The following POU3F3 variants were observed in gnomAD, a reference collection of about 807,000 sequenced individuals.
The protein encoded by POU3F3 is POU domain, class 3, transcription factor 3.
POU3F3 carries 1 observed loss-of-function variant against 8.6 expected under a neutral mutation model. The observed-to-expected ratio is 0.12, with a 90% CI of 0.04 to 0.55. The LOEUF (loss-of-function observed/expected upper bound fraction) is 0.55. POU3F3 is among the 20% of genes least tolerant of loss of function. The pLI is 0.91. For missense variants in POU3F3, 577 were observed against 690.7 expected, an observed-to-expected ratio of 0.84 and a Z score of 1.84; for synonymous variants, 418 against 327.4, an observed-to-expected ratio of 1.28 and a Z score of -2.99.
chr2:104,856,644 G>C lies in POU3F3; in HGVS notation c.1134G>C (p.Pro378=), dbSNP rs777608264. Residue 378 remains proline (P), a synonymous_variant, in exon 1 of 1, where the codon CCG becomes CCC. Coordinates refer to ENST00000361360, the MANE Select transcript of POU3F3 (RefSeq NM_006236.3). ...TCAAGAACATGTGCAAGCTCAAGCC[G>C]CTGCTGAACAAGTGGCTGGAGGAGG... The part of the protein sequence containing the change: ...LSFKNMCKLK[P]LLNKWLEEAD... 15 of 1,614,074 alleles carry C rather than the reference G, an allele frequency of 9.3e-6. No homozygotes were observed. The highest frequency in any genetic ancestry group is 8.5e-7 in the Non-Finnish European group (1 of 1,180,054).
At chr2:104,921,268 G>A in the POU3F3 span, among the ~76,000 whole-genome samples, 2 of 152,128 alleles carry the variant, frequency 1.3e-5, no homozygotes, top group African/African-American at 2.4e-5. Flanking sequence ...CATGAAGGGG[G>A]TGCTGTCAAA....
chr2:104,898,787 A>G, the POU3F3 span, among the ~76,000 whole-genome samples: 1 of 152,204 alleles, frequency 6.6e-6, no homozygotes, highest in Non-Finnish European at 1.5e-5. Context: ...CTGAGTTAAA[A>G]TGTTCACTAA....
chr2:104,864,058 G>A, the POU3F3 span, among the ~76,000 whole-genome samples: 1 of 152,212 alleles, frequency 6.6e-6, no homozygotes, highest in Non-Finnish European at 1.5e-5. Context: ...GCACCCTACA[G>A]GCACCAGGGT....
the POU3F3 span, among the ~76,000 whole-genome samples, chr2:104,887,386 G>C: frequency 6.6e-6 from 1 of 152,188 alleles, no homozygotes; most frequent in African/African-American, 2.4e-5. Context: ...ACATGCCTCT[G>C]ACATAACGAC....
the POU3F3 span, among the ~76,000 whole-genome samples, chr2:104,890,794 C>T: frequency 2.6e-5 from 4 of 152,236 alleles, no homozygotes; most frequent in Non-Finnish European, 5.9e-5. Flanking sequence ...TGTCCCACCG[C>T]GGGCCACATG....
chr2:104,900,436 A>T, the POU3F3 span, among the ~76,000 whole-genome samples: 1 of 152,232 alleles, frequency 6.6e-6, no homozygotes, highest in East Asian at 1.9e-4. Context: ...TGATGTTTAG[A>T]CAGTTTCCCC....
In POU3F3 at chr2:104,856,749, C is replaced by A. The variant is rs777507294; in HGVS notation, c.1239C>A (p.Ile413=). 6.2e-7 allele frequency: 1 copy of A among 1,614,158 alleles called. No individual in the cohort carries two copies. Among genetic ancestry groups the A allele is most frequent in the Non-Finnish European group, 8.5e-7 (1 of 1,180,040 alleles). ...GCAAGCGCAAGAAGCGGACCTCTATCGAGGTGAGCGTCAAGGGCGCGCTGG... is the reference window on the plus strand; with the variant it reads ...GCAAGCGCAAGAAGCGGACCTCTATAGAGGTGAGCGTCAAGGGCGCGCTGG... ...QGRKRKKRTS[I]EVSVKGALES... Residue 413 remains isoleucine, a synonymous_variant, in exon 1 of 1, where the codon ATC becomes ATA. Transcript: ENST00000361360.
Position 104,856,913 on chromosome 2 carries a change from G to T in POU3F3, c.1403G>T (p.Gly468Val). The change falls in exon 1 of 1, where the codon GGG (glycine) becomes GTG (valine). Residue 468 changes from glycine to valine, a missense_variant. Physicochemically the swap from Gly to Val is moderately radical, Grantham distance 109. This residue lies in a region of POU3F3 where 35 missense variants were observed against 50.3 expected (regional missense o/e 0.70). Transcript: ENST00000361360. ...RQKEKRMTPP[G>V]IQQQTPDDVY... Reference sequence around the variant, plus strand: ...AAGGAGAAGCGCATGACGCCGCCCGGGATCCAACAGCAGACGCCCGACGAC... The same window carrying T: ...AAGGAGAAGCGCATGACGCCGCCCGTGATCCAACAGCAGACGCCCGACGAC... The T allele has an allele frequency of 6.2e-7, 1 of 1,613,788 alleles. No individual in the cohort carries two copies. Among genetic ancestry groups the T allele is most frequent in the Non-Finnish European group, 8.5e-7 (1 of 1,179,948 alleles).
In POU3F3 at chr2:104,856,337, AC is replaced by A; in HGVS notation, c.829del (p.His277ThrfsTer92). On this transcript the variant is annotated frameshift_variant, in exon 1 of 1. Coordinates refer to ENST00000361360, the MANE Select transcript of POU3F3 (RefSeq NM_006236.3). LOFTEE classifies it high-confidence loss of function. ...ELAEHHHHHH[H>X]HAHPHPPHPH... The stretch of plus-strand genomic sequence containing the variant: ...GCCGAGCACCACCACCACCACCACC[AC>A]CACGCGCATCCTCACCCGCCGCACC... 6.6e-7 allele frequency: 1 copy of A among 1,509,750 alleles called. No individual in the cohort carries two copies. Among genetic ancestry groups the A allele is most frequent in the South Asian group, 1.3e-5 (1 of 78,590 alleles). 93.5% of individuals were successfully genotyped at this position (1,509,750 alleles called of 1,614,324 possible). A position where few individuals can be genotyped will look rare whatever the true frequency, so the allele number is the denominator to read the frequency against.
At chr2:104,853,394 C>A (rs2104336794), upstream of POU3F3, 1 of 152,458 alleles carries the variant, frequency 6.6e-6, no homozygotes, top group South Asian at 2.1e-4. Flanking sequence ...AGGGGGCTGC[C>A]GCCGGCGCGC....
At chr2:104,902,134 C>A in the POU3F3 span, among the ~76,000 whole-genome samples, 70 of 152,192 alleles carry the variant, frequency 4.6e-4, 1 homozygote, top group African/African-American at 1.6e-3. Flanking sequence ...TCTCTCGCCC[C>A]CTCTCTCATC....
At chr2:104,892,550 C>A in the POU3F3 span, among the ~76,000 whole-genome samples, 1 of 152,012 alleles carries the variant, frequency 6.6e-6, no homozygotes, top group Non-Finnish European at 1.5e-5. Context: ...ACTGCAGCCT[C>A]AACCTCCCAG....
At chr2:104,873,747 A>G in the POU3F3 span, among the ~76,000 whole-genome samples, 2 of 151,972 alleles carry the variant, frequency 1.3e-5, no homozygotes, top group African/African-American at 2.4e-5. Context: ...CTGCTTCCCA[A>G]TTACCACCAC....
the POU3F3 span, among the ~76,000 whole-genome samples, chr2:104,912,080 GTC>G: frequency 1.3e-5 from 2 of 152,242 alleles, no homozygotes; most frequent in South Asian, 4.1e-4. Context: ...CCCACAGGCC[GTC>G]TCTGCCTCCA....
chr2:104,906,355 T>A, the POU3F3 span, among the ~76,000 whole-genome samples: 1 of 152,234 alleles, frequency 6.6e-6, no homozygotes, highest in African/African-American at 2.4e-5. Flanking sequence ...ATTTCTAGAC[T>A]GTCCATTGGA....
At chr2:104,911,857 G>C in the POU3F3 span, among the ~76,000 whole-genome samples, 1 of 152,006 alleles carries the variant, frequency 6.6e-6, no homozygotes, top group East Asian at 1.9e-4. Context: ...GAGAGGGGGA[G>C]AAGCTGTAAG....
At chr2:104,905,412 G>A in the POU3F3 span, among the ~76,000 whole-genome samples, 1 of 152,112 alleles carries the variant, frequency 6.6e-6, no homozygotes, top group Non-Finnish European at 1.5e-5. Flanking sequence ...CTGCTGAATG[G>A]TATGTCAGAT....
rs1676601789 is a variant in POU3F3 at position 104,857,774 on chromosome 2, T to C, written c.*761T>C. On this transcript the variant is annotated 3_prime_UTR_variant, in exon 1 of 1. Transcript: ENST00000361360. ...AAACAGTCTCCAAGAAAAAAATAAT[T>C]ATATTGACAGCTTCTGAAACTAACA... 6.6e-6 allele frequency: 1 copy of C among 152,274 alleles called. No homozygotes were observed. The highest frequency in any genetic ancestry group is 6.5e-5 in the Admixed American group (1 of 15,280). The allele number at this position is 152,274 out of a possible 1,614,324, so 9.4% of individuals were successfully genotyped here. A position where few individuals can be genotyped will look rare whatever the true frequency, so the allele number is the denominator to read the frequency against.
At chr2:104,905,210 A>G in the POU3F3 span, among the ~76,000 whole-genome samples, 2 of 152,186 alleles carry the variant, frequency 1.3e-5, no homozygotes, top group African/African-American at 4.8e-5. Flanking sequence ...CACTCATAGC[A>G]TCATGACAGA....
Sources: gnomAD v4.1 joint callset for allele counts (sites outside exome capture counted in the v4.1 genomes callset) on GRCh38, gnomAD v4.1.1 for gene constraint, gnomAD v4.1.1 regional missense constraint, MANE v1.5 for transcripts, NCBI Gene and HGNC (gene_info 2026-07-23, HGNC 2026-07-21) for gene names.